The following GSE1 variants were observed in gnomAD, a reference collection of about 807,000 sequenced individuals.
The protein encoded by GSE1 is genetic suppressor element 1.
A neutral mutation model predicts 112.6 loss-of-function variants in GSE1; 32 were observed. The ratio of observed to expected loss-of-function variants is 0.28; its 90% CI spans 0.21 to 0.38. GSE1 has a LOEUF of 0.38. GSE1 is among the 10% of genes least tolerant of loss of function. The pLI is 1.00. For synonymous variants in GSE1, 1,115 were observed against 735.6 expected (o/e 1.52, Z -8.35); for missense variants, 2,348 against 1,699.2 (o/e 1.38, Z -6.71).
At chr16:85,361,679 G>T (rs2047085279) in intron 2 of GSE1, among the ~76,000 whole-genome samples, 2 of 152,248 alleles carry the variant, frequency 1.3e-5, no homozygotes, top group South Asian at 4.1e-4. Context: ...CGTGGGGACA[G>T]CAGCTTTTGC....
intron 1 of GSE1, among the ~76,000 whole-genome samples, chr16:85,327,173 A>C (rs2046243739): frequency 6.6e-6 from 1 of 152,224 alleles, no homozygotes; most frequent in South Asian, 2.1e-4. Flanking sequence ...CCAGTGTCCC[A>C]AAAGAAAGAG....
intron 2 of GSE1, among the ~76,000 whole-genome samples, chr16:85,388,292 GT>G (rs2047740455): frequency 2.1e-5 from 1 of 47,628 alleles, no homozygotes; most frequent in Non-Finnish European, 3.8e-5. Flanking sequence ...GGATGGGTGG[GT>G]GGATGGATGG....
intron 1 of GSE1, among the ~76,000 whole-genome samples, chr16:85,207,562 T>TTCTCC (rs56221240): frequency 2.0e-5 from 3 of 151,868 alleles, no homozygotes; most frequent in African/African-American, 7.3e-5. Context: ...GCAGGAGATC[T>TTCTCC]TCTCAGAGCC....
chr16:85,663,263 AC>A, intron 10 of GSE1, 80 bp from the exon 11 acceptor site: 1 of 1,488,252 alleles, frequency 6.7e-7, no homozygotes, highest in Admixed American at 1.8e-5. Context: ...CACTTCGAGG[AC>A]CCCAGGAGGG....
At chr16:85,569,524 C>G (rs2045894235) in intron 1 of GSE1, among the ~76,000 whole-genome samples, 1 of 152,318 alleles carries the variant, frequency 6.6e-6, no homozygotes, top group African/African-American at 2.4e-5. Flanking sequence ...AGGCTTTGTA[C>G]ATTTCAAGAG....
At chr16:85,382,502 A>T (rs1041024707) in intron 2 of GSE1, among the ~76,000 whole-genome samples, 1 of 152,138 alleles carries the variant, frequency 6.6e-6, no homozygotes, top group Non-Finnish European at 1.5e-5. Flanking sequence ...CCCTGGGAAG[A>T]TGCACGTGGT....
chr16:85,422,839 G>A (rs1184193473), intron 2 of GSE1, among the ~76,000 whole-genome samples: 3 of 152,162 alleles, frequency 2.0e-5, no homozygotes, highest in Non-Finnish European at 4.4e-5. Context: ...AAGGGCGGCT[G>A]AACCCTCTGG....
At chr16:85,478,859 CTTTCTTTCTTTCTTTCTTTCTT>C (rs1567520296) in intron 2 of GSE1, among the ~76,000 whole-genome samples, 4 of 22,234 alleles carry the variant, frequency 1.8e-4, no homozygotes, top group African/African-American at 1.1e-3. Flanking sequence ...TTCTTTCTTT[CTTTCTTTCTTTCTTTCTTTCTT>C]TCTTTCTTTC....
chr16:85,640,685 G>T (rs899431607), intron 2 of GSE1, among the ~76,000 whole-genome samples: 9 of 152,264 alleles, frequency 5.9e-5, no homozygotes, highest in Admixed American at 5.2e-4. Flanking sequence ...CCTGGGCGGG[G>T]GAGAGGCTCC....
intron 2 of GSE1, among the ~76,000 whole-genome samples, chr16:85,381,991 C>T (rs746553328): frequency 2.0e-5 from 3 of 152,218 alleles, no homozygotes; most frequent in Admixed American, 1.3e-4. Context: ...AAATAACAGG[C>T]GTGCAGGCTG....
At chr16:85,349,434 G>T (rs1384206550) in intron 1 of GSE1, among the ~76,000 whole-genome samples, 1 of 152,130 alleles carries the variant, frequency 6.6e-6, no homozygotes, top group East Asian at 1.9e-4. Context: ...TCAGGACAGC[G>T]GGAGAAGAGG....
intron 1 of GSE1, among the ~76,000 whole-genome samples, chr16:85,336,025 C>G (rs2046475803): frequency 6.6e-6 from 1 of 152,020 alleles, no homozygotes; most frequent in South Asian, 2.1e-4. Flanking sequence ...GGACCCAGGC[C>G]TTCCTGGGAC....
At chr16:85,194,672 A>G (rs1039959034) in intron 1 of GSE1, among the ~76,000 whole-genome samples, 1 of 152,184 alleles carries the variant, frequency 6.6e-6, no homozygotes, top group African/African-American at 2.4e-5. Context: ...ACAGTTAACC[A>G]GGAGCTTTGG....
At chr16:85,321,012 C>T (rs531735881) in intron 1 of GSE1, among the ~76,000 whole-genome samples, 50 of 152,292 alleles carry the variant, frequency 3.3e-4, no homozygotes, top group African/African-American at 1.2e-3. Context: ...GTTTCCTCTG[C>T]GCCCCCTGCC....
chr16:85,581,714 T>C (rs1367161778), intron 1 of GSE1, among the ~76,000 whole-genome samples: 2 of 152,146 alleles, frequency 1.3e-5, no homozygotes, highest in African/African-American at 2.4e-5. Context: ...TCAGGGTGAA[T>C]TGGGCTGACC....
At chr16:85,477,250 G>A (rs1452135670) in intron 2 of GSE1, among the ~76,000 whole-genome samples, 1 of 152,194 alleles carries the variant, frequency 6.6e-6, no homozygotes, top group African/African-American at 2.4e-5. Context: ...GGGGGCACTG[G>A]GTGGGCTTTG....
At chr16:85,640,366 C>T (rs1431756597) in intron 2 of GSE1, among the ~76,000 whole-genome samples, 1 of 152,230 alleles carries the variant, frequency 6.6e-6, no homozygotes, top group East Asian at 1.9e-4. Context: ...CCACCCATAG[C>T]CCGGCTTGGG....
intron 1 of GSE1, among the ~76,000 whole-genome samples, chr16:85,242,007 C>A (rs1017051845): frequency 3.3e-5 from 5 of 152,250 alleles, no homozygotes; most frequent in African/African-American, 1.2e-4. Context: ...GGTTCCCTTG[C>A]TCCCTGCTAC....
chr16:85,230,494 T>G (rs1336541183), intron 1 of GSE1, among the ~76,000 whole-genome samples: 1 of 152,216 alleles, frequency 6.6e-6, no homozygotes, highest in Non-Finnish European at 1.5e-5. Context: ...TTCAGCCTCT[T>G]GGATGCAGGA....
Sources: allele counts gnomAD v4.1 joint callset (sites outside exome capture counted in the v4.1 genomes callset), GRCh38; gene constraint gnomAD v4.1.1; transcripts MANE v1.5; gene names NCBI Gene and HGNC (gene_info 2026-07-23, HGNC 2026-07-21).